RELCH: variants seen among roughly 807,000 people sequenced by gnomAD.
RELCH encodes RAB11 binding and LisH domain, coiled-coil and HEAT repeat containing, also known as RAB11-binding protein RELCH.
In RELCH, 41 loss-of-function variants were observed where a neutral mutation model predicts 150.3. The ratio of observed to expected loss-of-function variants is 0.27; its 90% CI spans 0.21 to 0.35. RELCH has a LOEUF of 0.35. Among genes scored for constraint, RELCH ranks in the 10% least tolerant of loss-of-function variants. RELCH has a pLI of 1.00. For synonymous variants in RELCH, 478 were observed against 531.8 expected, an observed-to-expected ratio of 0.90 and a Z score of 1.39; for missense variants, 1,092 against 1,467.8, an observed-to-expected ratio of 0.74 and a Z score of 4.18.
At chr18:62,269,174 T>G (rs1366059845) in intron 20 of RELCH, among the ~76,000 whole-genome samples, 1 of 152,140 alleles carries the variant, frequency 6.6e-6, no homozygotes, top group Non-Finnish European at 1.5e-5. Flanking sequence ...TGATATTTTG[T>G]TAGAAGTGTT....
At chr18:62,227,745 C>A in intron 7 of RELCH, 56 bp downstream of exon 7, 3 of 788,600 alleles carry the variant, frequency 3.8e-6, no homozygotes, top group Admixed American at 2.8e-5. Flanking sequence ...AAAGTATTGG[C>A]AAGTTATGCA....
chr18:62,238,481 C>T (rs548517995), intron 10 of RELCH, among the ~76,000 whole-genome samples: 4 of 151,908 alleles, frequency 2.6e-5, no homozygotes, highest in African/African-American at 9.6e-5. Flanking sequence ...CTGCTTTGAC[C>T]GCATTTGAAG....
At chr18:62,279,944 G>A (rs2044416500) in intron 23 of RELCH, 88 bp downstream of exon 23, 3 of 796,930 alleles carry the variant, frequency 3.8e-6, no homozygotes, top group African/African-American at 1.7e-5. Context: ...ATTTATTGAA[G>A]AATCTCTTTA....
intron 23 of RELCH, chr18:62,280,323 C>G: frequency 1.3e-6 from 2 of 1,578,282 alleles, no homozygotes; most frequent in Non-Finnish European, 1.7e-6. Flanking sequence ...TTCCAGTTTA[C>G]CAAACCATTT....
chr18:62,302,036 A>G (rs1236055092), intron 28 of RELCH, among the ~76,000 whole-genome samples: 1 of 152,202 alleles, frequency 6.6e-6, no homozygotes, highest in Non-Finnish European at 1.5e-5. Context: ...CGTGACTTGA[A>G]CCACCATGTT....
chr18:62,293,120 GC>G (rs1600268041), intron 27 of RELCH, among the ~76,000 whole-genome samples: 1 of 152,038 alleles, frequency 6.6e-6, no homozygotes, highest in Non-Finnish European at 1.5e-5. Flanking sequence ...TTTCTTCCAT[GC>G]CTTTGCCTAT....
chr18:62,202,248 A>G (rs11152338), intron 1 of RELCH, among the ~76,000 whole-genome samples: 14,922 of 152,212 alleles, frequency 0.098, 865 homozygotes, highest in East Asian at 0.19. Flanking sequence ...CTCTTCTTGT[A>G]TATTAGGACA....
At chr18:62,237,979 A>AT (rs1300193676) in intron 10 of RELCH, among the ~76,000 whole-genome samples, 6 of 151,838 alleles carry the variant, frequency 4.0e-5, no homozygotes, top group Non-Finnish European at 5.9e-5. Flanking sequence ...CAATTATAAT[A>AT]TTTTTTAATT....
rs757780914 is a variant in RELCH at position 62,282,296 on chromosome 18, C to T, written c.3115-10C>T. 14 of 1,609,918 alleles carry T rather than the reference C, an allele frequency of 8.7e-6. No individual in the cohort carries two copies. In the East Asian group the frequency reaches 2.9e-4, roughly 33 times the overall value. On this transcript the variant is annotated splice_polypyrimidine_tract_variant and intron_variant, in intron 24 of 28. Transcript: ENST00000644646. ...TTCTATGAAATGACTGTACAATATC[C>T]AATTTTAAGTTGCTGGAAAGAGTGA...
intron 25 of RELCH, among the ~76,000 whole-genome samples, chr18:62,283,931 T>C (rs1164503788): frequency 6.6e-6 from 1 of 152,140 alleles, no homozygotes; most frequent in East Asian, 1.9e-4. Context: ...AACGGGTCTT[T>C]GGTGTGTGCA....
chr18:62,284,422 A>G (rs1319351566), intron 25 of RELCH: 1 of 152,214 alleles, frequency 6.6e-6, no homozygotes, highest in Non-Finnish European at 1.5e-5. Context: ...GCCTCCTGCA[A>G]CTTACTGTGT....
chr18:62,244,245 C>G (rs2042292492), intron 10 of RELCH, among the ~76,000 whole-genome samples: 1 of 152,088 alleles, frequency 6.6e-6, no homozygotes, highest in African/African-American at 2.4e-5. Context: ...GACAATTCAA[C>G]ATCTATGAAA....
Position 62,287,453 on chromosome 18 carries a change from C to G in RELCH, c.3356C>G (p.Ala1119Gly). The G allele has an allele frequency of 6.4e-7, 1 of 1,564,992 alleles. No homozygotes were observed. The highest frequency in any genetic ancestry group is 8.8e-7 in the Non-Finnish European group (1 of 1,137,176). ...ACGCATCTTTTTGAAGCCTACAGTG[C>G]ACTTTCCTGTTGTTGTATCCTTGTT... ...IATHLFEAYS[A>G]LSCCFISEDL... Residue 1119 changes from alanine to glycine, a missense_variant, in exon 26 of 29, where the codon GCA becomes GGA. Physicochemically the swap from Ala to Gly is moderately conservative, Grantham distance 60. Transcript: ENST00000644646.
chr18:62,282,849 GGTTTTGCCAT>G (rs1417978639), intron 25 of RELCH, among the ~76,000 whole-genome samples: 1 of 151,988 alleles, frequency 6.6e-6, no homozygotes, highest in Non-Finnish European at 1.5e-5. Context: ...GTAGAGACGG[GGTTTTGCCAT>G]GTTGGCCAGG....
chr18:62,223,679 T>A (rs891035440), intron 5 of RELCH, among the ~76,000 whole-genome samples: 1 of 152,106 alleles, frequency 6.6e-6, no homozygotes, highest in Non-Finnish European at 1.5e-5. Context: ...AAATTATACA[T>A]AACATTTTAG....
chr18:62,210,413 T>C (rs1382529568), intron 1 of RELCH, among the ~76,000 whole-genome samples: 1 of 152,206 alleles, frequency 6.6e-6, no homozygotes, highest in Non-Finnish European at 1.5e-5. Flanking sequence ...ATTCTGCAGA[T>C]TGAATAATTT....
chr18:62,260,464 A>G (rs1160416068), intron 15 of RELCH, among the ~76,000 whole-genome samples: 2 of 151,866 alleles, frequency 1.3e-5, no homozygotes, highest in Non-Finnish European at 2.9e-5. Context: ...TACAGCCACT[A>G]TGGAAAACAG....
At position 62,292,539 on chromosome 18, in the gene RELCH, G is replaced by T. The variant is rs902483402; in HGVS notation, c.3459+908G>T. 2.0e-5 allele frequency among the ~76,000 whole-genome samples: 3 copies of T among 152,080 alleles called. No homozygotes were observed. The South Asian group carries it at 6.2e-4, about 32-fold the overall frequency. The stretch of plus-strand genomic sequence containing the variant: ...TAATATCACACAAGTTTCATCTTCT[G>T]CTCTAACCCCATGCTGGAGCCATAG... On this transcript the variant is annotated intron_variant, in intron 27 of 28. Transcript: ENST00000644646.
intron 26 of RELCH, among the ~76,000 whole-genome samples, chr18:62,291,223 T>C (rs2045114885): frequency 6.6e-6 from 1 of 152,244 alleles, no homozygotes; most frequent in African/African-American, 2.4e-5. Context: ...TTATACTTTT[T>C]TCATATTCAT....
Sources: allele counts gnomAD v4.1 joint callset (sites outside exome capture counted in the v4.1 genomes callset), GRCh38; gene constraint gnomAD v4.1.1; transcripts MANE v1.5; gene names NCBI Gene and HGNC (gene_info 2026-07-23, HGNC 2026-07-21).